The following APP variants were observed in gnomAD, a reference collection of about 807,000 sequenced individuals.
APP encodes amyloid beta precursor protein, also known as amyloid-beta precursor protein.
Under a neutral mutation model 101.4 loss-of-function variants are expected in APP, and 31 were observed. The observed-to-expected ratio is 0.31, with a 90% CI of 0.23 to 0.41. APP has a LOEUF of 0.41. Among genes scored for constraint, APP ranks in the 10% least tolerant of loss-of-function variants. The pLI is 1.00. For synonymous variants in APP, 366 were observed against 364.4 expected (o/e 1.00, Z -0.05); for missense variants, 839 against 1,003.7 (o/e 0.84, Z 2.22).
At chr21:26,160,345 G>A (rs191266489) in intron 1 of APP, among the ~76,000 whole-genome samples, 6 of 152,246 alleles carry the variant, frequency 3.9e-5, no homozygotes, top group African/African-American at 1.4e-4. Flanking sequence ...AACAACCATA[G>A]AATTTTTATA....
chr21:25,998,236 T>C (rs1452130901), intron 7 of APP, among the ~76,000 whole-genome samples: 1 of 152,174 alleles, frequency 6.6e-6, no homozygotes, highest in Admixed American at 6.5e-5. Context: ...GCTAAACCAG[T>C]GAGAATCACT....
intron 11 of APP, among the ~76,000 whole-genome samples, chr21:25,967,298 T>C (rs2146536619): frequency 6.6e-6 from 1 of 152,306 alleles, no homozygotes. Flanking sequence ...GTTTCAATCG[T>C]TAAGACACTG....
At chr21:25,886,736 C>T (rs942521471) in intron 17 of APP, among the ~76,000 whole-genome samples, 3 of 151,988 alleles carry the variant, frequency 2.0e-5, no homozygotes, top group Non-Finnish European at 2.9e-5. Context: ...TCCAATTTCT[C>T]TTCCTGCTGC....
intron 16 of APP, among the ~76,000 whole-genome samples, chr21:25,893,657 A>T (rs576957945): frequency 6.6e-6 from 1 of 152,350 alleles, no homozygotes; most frequent in Admixed American, 6.5e-5. Context: ...AGAGGTGAAG[A>T]AGCTGCAGAA....
At chr21:25,954,840 C>A in intron 12 of APP, 151 bp from the exon 13 acceptor site, 1 of 541,012 alleles carries the variant, frequency 1.8e-6, no homozygotes, top group Non-Finnish European at 3.0e-6. Context: ...ATACAAACTT[C>A]CAAAAGAAAA....
intron 1 of APP, among the ~76,000 whole-genome samples, chr21:26,162,594 T>G (rs2063514441): frequency 1.3e-5 from 2 of 152,028 alleles, no homozygotes; most frequent in South Asian, 4.2e-4. Flanking sequence ...AACAGTAGGA[T>G]TAAACCTCTC....
chr21:26,125,017 G>C (rs559789607), intron 1 of APP, among the ~76,000 whole-genome samples: 1 of 152,240 alleles, frequency 6.6e-6, no homozygotes, highest in African/African-American at 2.4e-5. Context: ...AGGGTACACC[G>C]AAGAGCTCTC....
rs149661547 is a variant in APP, at chr21:26,151,413, G to C, written c.57+19151C>G. On this transcript the variant is annotated intron_variant, in intron 1 of 17. Transcript: ENST00000346798. The stretch of plus-strand genomic sequence containing the variant: ...CAATCACAGAACCATTAAATAAGAG[G>C]ATTGCTTGTTTGAACTACTAGATCA... 3.1e-3 allele frequency among the ~76,000 whole-genome samples: 472 copies of C among 152,230 alleles called. 2 individuals carry two copies. Among genetic ancestry groups the C allele is most frequent in the African/African-American group, 0.011 (453 of 41,542 alleles).
chr21:26,050,490 TA>T (rs1568910791), intron 5 of APP, among the ~76,000 whole-genome samples: 2 of 151,560 alleles, frequency 1.3e-5, no homozygotes, highest in South Asian at 4.2e-4. Context: ...CAAAGGTAGT[TA>T]AAAAAAATTA....
chr21:25,921,505 G>A (rs75048326), intron 13 of APP, among the ~76,000 whole-genome samples: 148,947 of 148,948 alleles, frequency 1, 74,473 homozygotes, highest in Middle Eastern at 1. Flanking sequence ...AGAAAAAGAG[G>A]AGAATCAAAT....
At chr21:26,005,275 A>G (rs2043481836) in intron 6 of APP, among the ~76,000 whole-genome samples, 1 of 152,110 alleles carries the variant, frequency 6.6e-6, no homozygotes, top group African/African-American at 2.4e-5. Context: ...TTAGCTGGGC[A>G]TGGTGGCGTG....
intron 2 of APP, among the ~76,000 whole-genome samples, chr21:26,104,156 G>C (rs1212256034): frequency 5.3e-5 from 8 of 152,082 alleles, no homozygotes; most frequent in Non-Finnish European, 1.5e-5. Context: ...TTCCATCACG[G>C]GGGCACATAC....
chr21:26,137,356 T>G (rs1279047416), intron 1 of APP, among the ~76,000 whole-genome samples: 1 of 152,188 alleles, frequency 6.6e-6, no homozygotes, highest in African/African-American at 2.4e-5. Flanking sequence ...GGGGGTTCTA[T>G]CCCATCTAAA....
At chr21:26,035,889 C>T (rs967857382) in intron 5 of APP, among the ~76,000 whole-genome samples, 1 of 152,028 alleles carries the variant, frequency 6.6e-6, no homozygotes, top group African/African-American at 2.4e-5. Flanking sequence ...GCAGAAGAGA[C>T]GATGATGAGT....
intron 13 of APP, among the ~76,000 whole-genome samples, chr21:25,913,942 T>A (rs2039210605): frequency 6.6e-6 from 1 of 152,170 alleles, no homozygotes. Flanking sequence ...CTTCCCCAGC[T>A]TTGACTTCTC....
Position 25,955,874 on chromosome 21 carries a change from C to G in APP, c.1459-119G>C. 14 of 1,432,590 alleles carry G rather than the reference C, an allele frequency of 9.8e-6. 1 individual carries two copies. The South Asian group carries it at 1.5e-4, about 15-fold the overall frequency. The allele number at this position is 1,432,590 out of a possible 1,614,324, so 88.7% of individuals were successfully genotyped here. On this transcript the variant is annotated intron_variant, in intron 11 of 17. Transcript: ENST00000346798. ...GTCATGTGAACGTACTGTGAGTCACCTTTTTGCAGGTCTGCCTTCTAAACA... is the reference window on the plus strand; with the variant it reads ...GTCATGTGAACGTACTGTGAGTCACGTTTTTGCAGGTCTGCCTTCTAAACA...
intron 8 of APP, among the ~76,000 whole-genome samples, chr21:25,984,518 T>G (rs2042565596): frequency 6.6e-6 from 1 of 152,174 alleles, no homozygotes; most frequent in Non-Finnish European, 1.5e-5. Flanking sequence ...AGGTAAATGT[T>G]TTTCTCCATA....
intron 1 of APP, among the ~76,000 whole-genome samples, chr21:26,156,472 G>C (rs2146360897): frequency 6.6e-6 from 1 of 152,222 alleles, no homozygotes; most frequent in South Asian, 2.1e-4. Context: ...CGTATTCTTG[G>C]AGTGCCAACC....
At chr21:26,170,180 GT>G (rs975285569) in intron 1 of APP, among the ~76,000 whole-genome samples, 11 of 152,330 alleles carry the variant, frequency 7.2e-5, no homozygotes, top group Non-Finnish European at 1.6e-4. Context: ...GGGACGCTGC[GT>G]TTTCGGTTTT....
Sources: gnomAD v4.1 joint callset for allele counts (sites outside exome capture counted in the v4.1 genomes callset) on GRCh38, gnomAD v4.1.1 for gene constraint, MANE v1.5 for transcripts, NCBI Gene and HGNC (gene_info 2026-07-23, HGNC 2026-07-21) for gene names.